The following ZNF721 variants were observed in gnomAD, a reference collection of about 807,000 sequenced individuals.
ZNF721 encodes the protein zinc finger protein 721.
Under a neutral mutation model 2.4 loss-of-function variants are expected in ZNF721, and 2 were observed. The observed-to-expected ratio is 0.82, with a 90% CI of 0.34 to 2.58. ZNF721 has a LOEUF of 2.58. Among genes scored for constraint, ZNF721 ranks in the 30% most tolerant of loss-of-function variants. ZNF721 has a pLI of 0.11. For missense variants in ZNF721, 1,187 were observed against 1,085.5 expected, an observed-to-expected ratio of 1.09 and a Z score of -1.31; for synonymous variants, 398 against 381.8, an observed-to-expected ratio of 1.04 and a Z score of -0.50.
intron 1 of ZNF721, among the ~76,000 whole-genome samples, chr4:497,732 C>CAAAAAAAAAAAAA (rs533555862): frequency 8.1e-6 from 1 of 123,996 alleles, no homozygotes; most frequent in Non-Finnish European, 1.7e-5. Flanking sequence ...CTAAAAAATA[C>CAAAAAAAAAAAAA]AAAAAAAAAA....
In ZNF721 at chr4:470,111, C is replaced by T. The variant is rs189498921; in HGVS notation, c.34+2464G>A. 7.3e-3 allele frequency among the ~76,000 whole-genome samples: 1,111 copies of T among 152,062 alleles called. 12 individuals are homozygous for T. Among genetic ancestry groups the T allele is most frequent in the Middle Eastern group, 0.071 (21 of 294 alleles). On this transcript the variant is annotated intron_variant, in intron 2 of 2. Transcript: ENST00000511833. ...GTTAGCCAGGATGGTCTCCATCTCC[C>T]GACCTCGTGATCCACCTGCCTCTGC...
At chr4:463,172 T>C (rs1715123603) in intron 2 of ZNF721, among the ~76,000 whole-genome samples, 1 of 152,172 alleles carries the variant, frequency 6.6e-6, no homozygotes, top group South Asian at 2.1e-4. Context: ...TCGTCACTGG[T>C]CGTTAGAGAA....
intron 2 of ZNF721, among the ~76,000 whole-genome samples, chr4:467,865 G>A (rs781703985): frequency 5.3e-5 from 8 of 152,178 alleles, no homozygotes; most frequent in Non-Finnish European, 7.3e-5. Context: ...GGCTGGGCGC[G>A]GTGGCTCACG....
chr4:453,650 T>C (rs562025696), intron 2 of ZNF721: 1 of 152,348 alleles, frequency 6.6e-6, no homozygotes, highest in South Asian at 2.1e-4. Flanking sequence ...TAGCCACCAC[T>C]ATAGAAGAAG....
intron 2 of ZNF721, among the ~76,000 whole-genome samples, chr4:452,318 T>G (rs1035780216): frequency 2.0e-5 from 3 of 152,198 alleles, no homozygotes; most frequent in African/African-American, 4.8e-5. Context: ...GTAAAATTCC[T>G]TGGCATCCTC....
chr4:483,255 T>C (rs782655014), intron 1 of ZNF721, among the ~76,000 whole-genome samples: 1 of 152,166 alleles, frequency 6.6e-6, no homozygotes, highest in Non-Finnish European at 1.5e-5. Flanking sequence ...AAACAATCTA[T>C]AACATTGCCT....
intron 1 of ZNF721, among the ~76,000 whole-genome samples, chr4:474,918 G>A (rs1467560221): frequency 6.6e-6 from 1 of 152,116 alleles, no homozygotes; most frequent in African/African-American, 2.4e-5. Flanking sequence ...GCCGGGCGCA[G>A]TGGCTCACGC....
At position 441,888 on chromosome 4, in the gene ZNF721, G is replaced by A; in HGVS notation, c.2579C>T (p.Thr860Ile). 6.2e-7 allele frequency: 1 copy of A among 1,613,920 alleles called. No homozygotes were observed. The highest frequency in any genetic ancestry group is 8.5e-7 in the Non-Finnish European group (1 of 1,179,928). The change falls in exon 3 of 3, where the codon ACT (threonine) becomes ATT (isoleucine). Residue 860 changes from threonine to isoleucine, a missense_variant. Coordinates refer to ENST00000511833, the MANE Select transcript of ZNF721 (RefSeq NM_133474.4). ...TCCACATGTGTAGGGTTTCTCTCCA[G>A]TATGAATTCTCCTATGTACATAAAG... ...AILYVHRRIH[T>I]GEKPYTCGEC...
At chr4:497,025 C>T (rs1431790868) in intron 1 of ZNF721, among the ~76,000 whole-genome samples, 2 of 151,882 alleles carry the variant, frequency 1.3e-5, no homozygotes, top group Non-Finnish European at 2.9e-5. Flanking sequence ...GACTTCTGAA[C>T]GCTCTAAGTG....
Position 442,275 on chromosome 4 carries a change from C to A in ZNF721, c.2192G>T (p.Gly731Val). ...GTTTGTGGACCATCCAAAGGATCTG[C>A]CACGATCTTCACATTTGTAGGGTTT... ...REKPYKCEDR[G>V]RSFGWSTNLN... The change falls in exon 3 of 3, where the codon GGC becomes GTC. Residue 731 changes from glycine to valine, a missense_variant. Transcript: ENST00000511833. 1 of 1,613,250 alleles carries A rather than the reference C, an allele frequency of 6.2e-7. No homozygotes were observed. The highest frequency in any genetic ancestry group is 8.5e-7 in the Non-Finnish European group (1 of 1,179,396).
intron 1 of ZNF721, among the ~76,000 whole-genome samples, chr4:487,767 C>T (rs1357389129): frequency 6.6e-6 from 1 of 152,156 alleles, no homozygotes; most frequent in Non-Finnish European, 1.5e-5. Context: ...CCAATTCGTG[C>T]TGACTTCCTA....
intron 1 of ZNF721, among the ~76,000 whole-genome samples, chr4:482,685 C>T (rs1354582352): frequency 3.9e-4 from 58 of 150,388 alleles, no homozygotes; most frequent in Non-Finnish European, 7.1e-4. Flanking sequence ...TTAGTAGAGA[C>T]GGGGTTTCAC....
At chr4:455,684 T>G (rs1341185567) in intron 2 of ZNF721, among the ~76,000 whole-genome samples, 1 of 151,914 alleles carries the variant, frequency 6.6e-6, no homozygotes, top group Non-Finnish European at 1.5e-5. Flanking sequence ...TCAGTCAAAA[T>G]TACAGAAACA....
intron 2 of ZNF721, among the ~76,000 whole-genome samples, chr4:466,932 G>A (rs1430375140): frequency 3.9e-5 from 6 of 152,234 alleles, no homozygotes; most frequent in South Asian, 2.1e-4. Flanking sequence ...AAAAGGATGC[G>A]GCTTGGCCGG....
intron 2 of ZNF721, among the ~76,000 whole-genome samples, chr4:448,440 C>A (rs551742945): frequency 3.5e-5 from 5 of 142,468 alleles, no homozygotes; most frequent in African/African-American, 5.0e-5. Flanking sequence ...CGTATCCCCC[C>A]CCAAAAAAAA....
intron 1 of ZNF721, chr4:474,083 G>A (rs1715555688): frequency 1.5e-6 from 2 of 1,378,516 alleles, no homozygotes; most frequent in Non-Finnish European, 9.7e-7. Flanking sequence ...AATCACCGAG[G>A]CCTCCCTGAG....
At chr4:472,397 TAC>T (rs1553867790) in intron 2 of ZNF721, among the ~76,000 whole-genome samples, 176 bp downstream of exon 2, 1 of 152,368 alleles carries the variant, frequency 6.6e-6, no homozygotes, top group Non-Finnish European at 1.5e-5. Context: ...TTGCTTCACT[TAC>T]AGTTTCTGAG....
chr4:467,997 G>A (rs556649598), intron 2 of ZNF721, among the ~76,000 whole-genome samples: 1 of 151,930 alleles, frequency 6.6e-6, no homozygotes, highest in East Asian at 1.9e-4. Context: ...TTAGCTGAGC[G>A]TGCCGGGTGC....
At chr4:462,896 G>A (rs1553866279) in intron 2 of ZNF721, among the ~76,000 whole-genome samples, 3 of 152,108 alleles carry the variant, frequency 2.0e-5, no homozygotes. Flanking sequence ...AGCCAAAATT[G>A]ACAAAAGGGA....
Sources: allele counts gnomAD v4.1 joint callset (sites outside exome capture counted in the v4.1 genomes callset), GRCh38; gene constraint gnomAD v4.1.1; transcripts MANE v1.5; gene names NCBI Gene and HGNC (gene_info 2026-07-23, HGNC 2026-07-21).